MAGI2: variants seen among roughly 807,000 people sequenced by gnomAD.
MAGI2 encodes membrane-associated guanylate kinase, WW and PDZ domain-containing protein 2.
Under a neutral mutation model 133.3 loss-of-function variants are expected in MAGI2, and 35 were observed. That is an observed-to-expected ratio of 0.26 (90% CI 0.20 to 0.35). The LOEUF is 0.35. MAGI2 is among the 10% of genes least tolerant of loss of function. MAGI2 has a pLI of 1.00. For synonymous variants in MAGI2, 729 were observed against 710.6 expected, an observed-to-expected ratio of 1.03 and a Z score of -0.41; for missense variants, 1,636 against 1,863.4, an observed-to-expected ratio of 0.88 and a Z score of 2.25.
At chr7:79,097,967 C>T (rs749980193) in intron 1 of MAGI2, among the ~76,000 whole-genome samples, 3 of 152,038 alleles carry the variant, frequency 2.0e-5, no homozygotes, top group Non-Finnish European at 2.9e-5. Context: ...ACCAAAAATA[C>T]AAAACTTAGC....
At chr7:79,068,478 T>C (rs1481155728) in intron 1 of MAGI2, among the ~76,000 whole-genome samples, 1 of 152,200 alleles carries the variant, frequency 6.6e-6, no homozygotes, top group Admixed American at 6.5e-5. Flanking sequence ...TAGCTTCTTC[T>C]CTTTTTTCTT....
chr7:78,216,814 G>C (rs1048088858), intron 10 of MAGI2, among the ~76,000 whole-genome samples: 42 of 152,124 alleles, frequency 2.8e-4, no homozygotes, highest in African/African-American at 9.9e-4. Context: ...TCCCCTCTTT[G>C]GGTCTAAATA....
chr7:78,091,269 T>G (rs7794883), intron 20 of MAGI2, among the ~76,000 whole-genome samples: 23,255 of 151,882 alleles, frequency 0.15, 1,840 homozygotes, highest in Middle Eastern at 0.2. Context: ...TTTGGGAGGT[T>G]TTTGGGTCAT....
chr7:78,068,508 G>A (rs908182429), intron 21 of MAGI2, among the ~76,000 whole-genome samples: 3 of 152,060 alleles, frequency 2.0e-5, no homozygotes, highest in African/African-American at 7.2e-5. Context: ...TGCTGATCAT[G>A]GGGGTGGCTG....
chr7:79,133,161 C>A (rs551490373), intron 1 of MAGI2, among the ~76,000 whole-genome samples: 1 of 152,196 alleles, frequency 6.6e-6, no homozygotes, highest in African/African-American at 2.4e-5. Flanking sequence ...AATTCAGTCC[C>A]ATTTATTTAT....
intron 3 of MAGI2, among the ~76,000 whole-genome samples, chr7:78,582,175 G>T (rs1282978290): frequency 6.6e-6 from 1 of 152,180 alleles, no homozygotes; most frequent in Non-Finnish European, 1.5e-5. Context: ...GCTTAGTTCA[G>T]CAGAGTAAAC....
At chr7:79,313,525 T>C (rs934938973) in intron 1 of MAGI2, among the ~76,000 whole-genome samples, 7 of 152,088 alleles carry the variant, frequency 4.6e-5, no homozygotes, top group Non-Finnish European at 8.8e-5. Flanking sequence ...CTATACATGA[T>C]ACAATCGATT....
Position 78,048,980 on chromosome 7 carries a change from C to T in MAGI2, c.3707-29004G>A, listed in dbSNP as rs576631026. Among the ~76,000 whole-genome samples, 37 of 151,524 alleles carry T rather than the reference C, an allele frequency of 2.4e-4. 1 individual carries two copies. The highest frequency in any genetic ancestry group is 6.3e-4 in the African/African-American group (26 of 41,248). ...AAAATTAGCCGGGCGTGGTGGCGTG[C>T]GCCTGTAATCCCAGCTACTTGGGAG... On this transcript the variant is annotated intron_variant, in intron 21 of 21. Coordinates refer to ENST00000354212, the MANE Select transcript of MAGI2 (RefSeq NM_012301.4).
chr7:78,796,635 T>C (rs925586788), intron 2 of MAGI2, among the ~76,000 whole-genome samples: 1 of 152,120 alleles, frequency 6.6e-6, no homozygotes, highest in Non-Finnish European at 1.5e-5. Context: ...TGTGTATATA[T>C]ATTCAAAAGA....
intron 3 of MAGI2, among the ~76,000 whole-genome samples, chr7:78,562,741 G>T (rs147371294): frequency 6.6e-6 from 1 of 152,122 alleles, no homozygotes; most frequent in Non-Finnish European, 1.5e-5. Flanking sequence ...GGCAATAATT[G>T]GATGTGTGCT....
intron 1 of MAGI2, among the ~76,000 whole-genome samples, chr7:79,355,497 A>G (rs144073923): frequency 3.2e-4 from 49 of 152,334 alleles, no homozygotes; most frequent in African/African-American, 1.2e-3. Context: ...GGAGGTATAC[A>G]TTTTAAATTA....
intron 10 of MAGI2, among the ~76,000 whole-genome samples, chr7:78,218,720 A>C (rs75084581): frequency 0.011 from 1,687 of 152,268 alleles, 23 homozygotes; most frequent in African/African-American, 0.037. Context: ...TGTCACCTGG[A>C]CCCACCTAGG....
chr7:78,852,396 G>A (rs1793220275), intron 2 of MAGI2, among the ~76,000 whole-genome samples: 1 of 151,734 alleles, frequency 6.6e-6, no homozygotes. Context: ...ATATAGTTTT[G>A]TTAATATTTT....
Position 78,564,783 on chromosome 7 carries a change from C to CTTTTTTTTTT in MAGI2, c.539-43148_539-43139dup, listed in dbSNP as rs35069216. Among the ~76,000 whole-genome samples, 305 of 64,362 alleles carry CTTTTTTTTTT rather than the reference C, an allele frequency of 4.7e-3. 56 individuals are homozygous for CTTTTTTTTTT. Among genetic ancestry groups the CTTTTTTTTTT allele is most frequent in the Middle Eastern group, 0.015 (1 of 66 alleles). 42.2% of individuals were successfully genotyped at this position (64,362 alleles called of 152,430 possible). On this transcript the variant is annotated intron_variant, in intron 3 of 21. Transcript: ENST00000354212. ...TACTTCATCTCATCTCTTTGACATTCTTTTTTTTTTTTTTTTTTTTTTTTT... is the reference window on the plus strand; with the variant it reads ...TACTTCATCTCATCTCTTTGACATTCTTTTTTTTTTTTTTTTTTTTTTTTTTTTTTTTTTT...
intron 5 of MAGI2, among the ~76,000 whole-genome samples, chr7:78,492,078 C>T (rs1026515642): frequency 3.3e-5 from 5 of 151,978 alleles, no homozygotes; most frequent in African/African-American, 7.2e-5. Context: ...CAAAAGCAAA[C>T]ACATCCATGG....
chr7:78,168,066 C>A lies in MAGI2; in HGVS notation c.2446G>T (p.Asp816Tyr). The part of the protein sequence containing the change: ...AVIAMGSADR[D>Y]GRLHPGDELV... ...TCATCTCCTGGGTGAAGGCGGCCAT[C>A]TCTGTCGGCTGAGCCCATGGCAATG... The change falls in exon 15 of 22, where the codon GAT (aspartate) becomes TAT (tyrosine). Residue 816 changes from aspartate (D) to tyrosine (Y), a missense_variant. Around this residue, in one of 5 missense-constraint regions of MAGI2, gnomAD observed 920 missense variants for 1,093.5 expected, o/e 0.84. Coordinates refer to ENST00000354212, the MANE Select transcript of MAGI2 (RefSeq NM_012301.4). The A allele has an allele frequency of 6.2e-7, 1 of 1,614,146 alleles. No individual in the cohort carries two copies. The highest frequency in any genetic ancestry group is 8.5e-7 in the Non-Finnish European group (1 of 1,180,026).
chr7:78,832,580 G>A (rs564186630), intron 2 of MAGI2, among the ~76,000 whole-genome samples: 7 of 152,190 alleles, frequency 4.6e-5, no homozygotes, highest in Admixed American at 1.3e-4. Context: ...ATGAATGCCA[G>A]TTATAAGCTT....
chr7:78,119,643 G>A (rs926238216), intron 20 of MAGI2, among the ~76,000 whole-genome samples: 12 of 147,100 alleles, frequency 8.2e-5, no homozygotes, highest in Admixed American at 6.8e-4. Flanking sequence ...TGATAATGAT[G>A]TATCAATACT....
chr7:78,795,891 A>G (rs1787564316), intron 2 of MAGI2, among the ~76,000 whole-genome samples: 1 of 152,182 alleles, frequency 6.6e-6, no homozygotes, highest in Non-Finnish European at 1.5e-5. Flanking sequence ...TAGGAAAAGG[A>G]CAGACTGTTT....
Sources: gnomAD v4.1 joint callset for allele counts (sites outside exome capture counted in the v4.1 genomes callset) on GRCh38, gnomAD v4.1.1 for gene constraint, gnomAD v4.1.1 regional missense constraint, MANE v1.5 for transcripts, NCBI Gene and HGNC (gene_info 2026-07-23, HGNC 2026-07-21) for gene names.